The following GPHN variants were observed in gnomAD, a reference collection of about 807,000 sequenced individuals.
GPHN encodes gephyrin.
In GPHN, 17 loss-of-function variants were observed where a neutral mutation model predicts 95.5. That is an observed-to-expected ratio of 0.18 (90% CI 0.12 to 0.27). GPHN has a LOEUF of 0.27. Among genes scored for constraint, GPHN ranks in the 10% least tolerant of loss-of-function variants. GPHN has a pLI of 1.00. For synonymous variants in GPHN, 320 were observed against 322.5 expected (o/e 0.99, Z 0.08); for missense variants, 660 against 978.1 (o/e 0.67, Z 4.34).
chr14:67,631,421 C>CCTTT, the GPHN span, among the ~76,000 whole-genome samples: 205 of 141,490 alleles, frequency 1.4e-3, 2 homozygotes, highest in East Asian at 7.7e-3. Flanking sequence ...TCTAGTAAAT[C>CCTTT]CTTTCTTTCT....
chr14:67,688,329 G>T, the GPHN span, among the ~76,000 whole-genome samples: 2 of 152,064 alleles, frequency 1.3e-5, no homozygotes, highest in African/African-American at 4.8e-5. Context: ...AATACACTAA[G>T]GCACATCTAT....
At chr14:67,670,027 C>A in the GPHN span, among the ~76,000 whole-genome samples, 1 of 152,146 alleles carries the variant, frequency 6.6e-6, no homozygotes, top group Non-Finnish European at 1.5e-5. Flanking sequence ...CCCGGGAAGC[C>A]AAGGCTGCAG....
rs112811228 is a variant in GPHN, at chr14:66,993,841, T to C, written c.963+28516T>C. On this transcript the variant is annotated intron_variant, in intron 9 of 22. Coordinates refer to ENST00000478722, the MANE Select transcript of GPHN (RefSeq NM_020806.5). ...TGTTTGGCATTTTGGCATTTACTTA[T>C]ATTAATAATATTCATTTATTTACTA... Among the ~76,000 whole-genome samples, 227 of 152,270 alleles carry C rather than the reference T, an allele frequency of 1.5e-3. 1 individual carries two copies. Among genetic ancestry groups the C allele is most frequent in the African/African-American group, 5.4e-3 (223 of 41,570 alleles).
At chr14:67,544,778 A>G in the GPHN span, among the ~76,000 whole-genome samples, 1 of 152,234 alleles carries the variant, frequency 6.6e-6, no homozygotes, top group Non-Finnish European at 1.5e-5. Context: ...ACCATGGAAG[A>G]TAGACTTAAT....
At chr14:66,877,165 G>C (rs2063706122) in intron 4 of GPHN, among the ~76,000 whole-genome samples, 1 of 152,032 alleles carries the variant, frequency 6.6e-6, no homozygotes, top group South Asian at 2.1e-4. Flanking sequence ...ATACAGAAAA[G>C]TCCTCCGATA....
intron 3 of GPHN, among the ~76,000 whole-genome samples, chr14:66,788,524 G>A (rs1408042066): frequency 6.6e-6 from 1 of 152,148 alleles, no homozygotes; most frequent in East Asian, 1.9e-4. Flanking sequence ...TTATACAAAT[G>A]CAGCTAAAAG....
chr14:67,061,957 T>C (rs1387193672), intron 11 of GPHN, among the ~76,000 whole-genome samples: 2 of 152,208 alleles, frequency 1.3e-5, no homozygotes, highest in African/African-American at 4.8e-5. Context: ...TGCTTCCCCC[T>C]TTCCCTAGCT....
chr14:67,409,883 G>A, the GPHN span, among the ~76,000 whole-genome samples: 1 of 152,176 alleles, frequency 6.6e-6, no homozygotes, highest in Admixed American at 6.5e-5. Context: ...AGGGGATATG[G>A]AGGGTTGAAA....
At chr14:67,550,675 G>T in the GPHN span, among the ~76,000 whole-genome samples, 2,332 of 152,298 alleles carry the variant, frequency 0.015, 71 homozygotes, top group African/African-American at 0.053. Flanking sequence ...TAATGCTAGT[G>T]TGGCCAGATC....
At chr14:67,709,214 T>C in the GPHN span, among the ~76,000 whole-genome samples, 1 of 152,206 alleles carries the variant, frequency 6.6e-6, no homozygotes. Context: ...TAATAGGTCA[T>C]TGTGAAATAA....
chr14:67,100,801 T>C (rs2077658316), intron 12 of GPHN, 55 bp from the exon 13 acceptor site: 1 of 1,130,626 alleles, frequency 8.8e-7, no homozygotes, highest in East Asian at 2.3e-5. Context: ...TAGGTTCTTG[T>C]TCCATGCTGT....
chr14:67,549,970 G>C, the GPHN span, among the ~76,000 whole-genome samples: 1 of 151,966 alleles, frequency 6.6e-6, no homozygotes, highest in African/African-American at 2.4e-5. Flanking sequence ...CCTTACCCCG[G>C]GCCCCATTCA....
intron 8 of GPHN, among the ~76,000 whole-genome samples, chr14:66,932,925 T>A (rs561318738): frequency 6.6e-6 from 1 of 152,332 alleles, no homozygotes; most frequent in Non-Finnish European, 1.5e-5. Context: ...GCATAGGAGA[T>A]AAGTTAATTA....
chr14:67,013,330 T>C (rs2073116941), intron 9 of GPHN, among the ~76,000 whole-genome samples: 1 of 152,106 alleles, frequency 6.6e-6, no homozygotes, highest in South Asian at 2.1e-4. Flanking sequence ...TCTCTAGCTT[T>C]AACCGATCTA....
the GPHN span, among the ~76,000 whole-genome samples, chr14:67,340,809 G>C: frequency 6.6e-6 from 1 of 151,840 alleles, no homozygotes; most frequent in Non-Finnish European, 1.5e-5. Context: ...GAGTGCCTGC[G>C]ATTGCAGGCG....
At position 66,924,244 on chromosome 14, in the gene GPHN, G is replaced by A. The variant is rs1293025119; in HGVS notation, c.780G>A (p.Gln260=). 6.2e-7 allele frequency: 1 copy of A among 1,612,094 alleles called. No individual in the cohort carries two copies. ...SPAVVMAHGE[Q]PIPGLINYSH... ...CTGTTGTCATGGCACACGGTGAACAGCCCATCCCTGGTCTCATCAATTATT... is the reference window on the plus strand; with the variant it reads ...CTGTTGTCATGGCACACGGTGAACAACCCATCCCTGGTCTCATCAATTATT... Residue 260 remains glutamine, a synonymous_variant, in exon 8 of 23, where the codon CAG becomes CAA. Coordinates refer to ENST00000478722, the MANE Select transcript of GPHN (RefSeq NM_020806.5).
the GPHN span, among the ~76,000 whole-genome samples, chr14:67,639,153 C>G: frequency 6.6e-6 from 1 of 152,196 alleles, no homozygotes; most frequent in Non-Finnish European, 1.5e-5. Flanking sequence ...GTAAGATTGC[C>G]AAATTCTCTT....
chr14:67,601,111 A>G, the GPHN span, among the ~76,000 whole-genome samples: 8 of 152,314 alleles, frequency 5.3e-5, no homozygotes, highest in Non-Finnish European at 1.0e-4. Context: ...TGGCAATACT[A>G]TGCTGACTGG....
intron 9 of GPHN, among the ~76,000 whole-genome samples, chr14:67,011,589 A>G (rs886161614): frequency 3.3e-5 from 5 of 151,160 alleles, no homozygotes; most frequent in Non-Finnish European, 7.4e-5. Flanking sequence ...AAAAAAAAAA[A>G]AAAAAAAGAA....
Sources: allele counts gnomAD v4.1 joint callset (sites outside exome capture counted in the v4.1 genomes callset), GRCh38; gene constraint gnomAD v4.1.1; transcripts MANE v1.5; gene names NCBI Gene and HGNC (gene_info 2026-07-23, HGNC 2026-07-21).